The following SCAMP4 variants were observed in gnomAD, a reference collection of about 807,000 sequenced individuals.
The protein encoded by SCAMP4 is secretory carrier membrane protein 4.
A neutral mutation model predicts 32.1 loss-of-function variants in SCAMP4; 19 were observed. The ratio of observed to expected loss-of-function variants is 0.59; its 90% CI spans 0.41 to 0.87. SCAMP4 has a LOEUF of 0.87. Ranked by LOEUF, SCAMP4 falls within the 40% of genes least tolerant of loss-of-function variation. SCAMP4 has a pLI of 0.00. For synonymous variants in SCAMP4, 152 were observed against 132.7 expected (o/e 1.15, Z -1.00); for missense variants, 302 against 309.0 (o/e 0.98, Z 0.17).
At chr19:1,912,690 G>T in intron 1 of SCAMP4, 1 of 1,474,128 alleles carries the variant, frequency 6.8e-7, no homozygotes, top group South Asian at 1.3e-5. Flanking sequence ...GGGGGCCGTG[G>T]TAGTGGACCC....
rs779272150 is a variant in SCAMP4, at chr19:1,918,931, C to T, written c.336C>T (p.Phe112=). 2.5e-5 allele frequency: 41 copies of T among 1,612,326 alleles called. No homozygotes were observed. The highest frequency in any genetic ancestry group is 2.0e-4 in the South Asian group (18 of 90,640). Residue 112 remains phenylalanine (F), a synonymous_variant, in exon 5 of 7, where the codon TTC becomes TTT. Coordinates refer to ENST00000316097, the MANE Select transcript of SCAMP4 (RefSeq NM_079834.4). ...ATTTCATGGCGTTTTTCTTCATCTTCGGAGCCCAGTTTGTCCTGACCGTCA... is the reference window on the plus strand; with the variant it reads ...ATTTCATGGCGTTTTTCTTCATCTTTGGAGCCCAGTTTGTCCTGACCGTCA... ...SFNFMAFFFI[F]GAQFVLTVIQ... is the part of the protein sequence containing the mutation.
At chr19:1,911,995 C>G in intron 1 of SCAMP4, 1 of 1,413,510 alleles carries the variant, frequency 7.1e-7, no homozygotes. Context: ...TGTGGAGCCA[C>G]GGCCTCCCGG....
intron 1 of SCAMP4, chr19:1,912,577 C>T: frequency 3.3e-6 from 5 of 1,496,584 alleles, no homozygotes; most frequent in South Asian, 1.2e-5. Flanking sequence ...AGCGCCCTGG[C>T]TGGGCGGCTC....
intron 1 of SCAMP4, among the ~76,000 whole-genome samples, chr19:1,911,357 A>T (rs1423573244): frequency 6.6e-6 from 1 of 151,872 alleles, no homozygotes; most frequent in South Asian, 2.1e-4. Flanking sequence ...TATTTAGTAG[A>T]AATGGGGTGT....
chr19:1,907,374 A>C, intron 1 of SCAMP4, among the ~76,000 whole-genome samples: 1 of 142,574 alleles, frequency 7.0e-6, no homozygotes, highest in Admixed American at 7.2e-5. Context: ...TCTCTTATGT[A>C]CCTGACAGCC....
chr19:1,907,889 T>A (rs2145423501), intron 1 of SCAMP4: 1 of 152,532 alleles, frequency 6.6e-6, no homozygotes, highest in South Asian at 2.1e-4. Context: ...GCTCTGGCAG[T>A]TGAGGCCGCC....
chr19:1,913,039 G>A (rs763539109), intron 1 of SCAMP4: 2 of 1,603,836 alleles, frequency 1.2e-6, no homozygotes, highest in Non-Finnish European at 1.7e-6. Context: ...TCGCCCGACG[G>A]CGCCCTGGGC....
chr19:1,920,930 C>T, intron 5 of SCAMP4: 1 of 985,362 alleles, frequency 1.0e-6, no homozygotes, highest in Non-Finnish European at 1.2e-6. Flanking sequence ...CGACTTGGCT[C>T]TTCTCATTGG....
intron 5 of SCAMP4, chr19:1,919,273 C>G (rs1384974318): frequency 1.5e-5 from 20 of 1,295,914 alleles, no homozygotes; most frequent in Non-Finnish European, 1.8e-5. Context: ...CCAGGCTTGT[C>G]TCCTGAGTGT....
intron 5 of SCAMP4, chr19:1,921,383 G>A (rs2013915288): frequency 2.0e-6 from 2 of 985,462 alleles, no homozygotes; most frequent in African/African-American, 3.5e-5. Flanking sequence ...CCCCAGCGGG[G>A]CCTAGCTGTG....
At chr19:1,921,818 GA>G (rs76467045) in intron 5 of SCAMP4, 552 of 869,406 alleles carry the variant, frequency 6.3e-4, no homozygotes, top group African/African-American at 4.0e-3. Flanking sequence ...CATCTCTCCA[GA>G]AAAAAAAAAA....
intron 1 of SCAMP4, among the ~76,000 whole-genome samples, chr19:1,909,633 T>C (rs914561704): frequency 6.6e-6 from 1 of 152,040 alleles, no homozygotes; most frequent in African/African-American, 2.4e-5. Context: ...GTAACAGTGC[T>C]GGTGATGTCA....
At position 1,920,199 on chromosome 19, in the gene SCAMP4, G is replaced by T. The variant is rs529226412; in HGVS notation, c.395+1209G>T. On this transcript the variant is annotated intron_variant, in intron 5 of 6. Transcript: ENST00000316097. ...AGTGACTGTTCTCGCCCACGTCCCCGACGTGTCTCCCTTGTCCTTGGCACG... is the reference window on the plus strand; with the variant it reads ...AGTGACTGTTCTCGCCCACGTCCCCTACGTGTCTCCCTTGTCCTTGGCACG... The T allele has an allele frequency of 1.3e-5, 13 of 985,204 alleles. No homozygotes were observed. The African/African-American group carries it at 1.9e-4, about 15-fold the overall frequency. The allele number at this position is 985,204 out of a possible 1,614,324, so 61.0% of individuals were successfully genotyped here. A position where few individuals can be genotyped will look rare whatever the true frequency, so the allele number is the denominator to read the frequency against.
In SCAMP4 at chr19:1,913,424, G is replaced by A. The variant is rs2013608384; in HGVS notation, c.-41-1555G>A. ...CGCGGGCCGGGAAACTGCTCTGATG[G>A]GAAAATAAACAGCCCAAAACCAAGT... On this transcript the variant is annotated intron_variant, in intron 1 of 6. Transcript: ENST00000316097. 1.4e-5 allele frequency: 8 copies of A among 571,044 alleles called. No homozygotes were observed. The South Asian group carries it at 1.8e-4, about 13-fold the overall frequency. The allele number at this position is 571,044 out of a possible 1,614,324, so 35.4% of individuals were successfully genotyped here. A position where few individuals can be genotyped will look rare whatever the true frequency, so the allele number is the denominator to read the frequency against.
At chr19:1,918,761 CAA>C (rs376128461) in intron 4 of SCAMP4, 126 bp from the exon 5 acceptor site, 80,925 of 1,093,250 alleles carry the variant, frequency 0.074, 2 homozygotes, top group Non-Finnish European at 0.08. Flanking sequence ...GACTCCATCT[CAA>C]AAAAAAAAAA....
Position 1,923,132 on chromosome 19 carries a change from T to G in SCAMP4, c.458T>G (p.Leu153Arg). The G allele has an allele frequency of 6.4e-7, 1 of 1,553,416 alleles. No individual in the cohort carries two copies. The highest frequency in any genetic ancestry group is 8.7e-7 in the Non-Finnish European group (1 of 1,148,066). Reference sequence around the variant, plus strand: ...CCGGGCGCTGCCGTGGTCATGCTGCTTCCAGCCATCATGTTCTCCGTGTCG... The same window carrying G: ...CCGGGCGCTGCCGTGGTCATGCTGCGTCCAGCCATCATGTTCTCCGTGTCG... ...YSPGAAVVML[L>R]PAIMFSVSAA... The change falls in exon 6 of 7, where the codon CTT (leucine) becomes CGT (arginine). Residue 153 changes from leucine (L) to arginine (R), a missense_variant. Coordinates refer to ENST00000316097, the MANE Select transcript of SCAMP4 (RefSeq NM_079834.4).
intron 2 of SCAMP4, among the ~76,000 whole-genome samples, chr19:1,916,939 A>T (rs1266059334): frequency 2.0e-5 from 3 of 152,212 alleles, no homozygotes; most frequent in African/African-American, 7.2e-5. Flanking sequence ...AGCCGCACCC[A>T]CACTAAACAT....
intron 1 of SCAMP4, chr19:1,912,512 C>A (rs866874255): frequency 4.0e-6 from 6 of 1,494,134 alleles, no homozygotes; most frequent in Middle Eastern, 1.8e-4. Context: ...GGGGCCAGTT[C>A]GAGGAGGCCC....
Position 1,925,502 on chromosome 19 carries a change from AAC to A in SCAMP4, c.*1221_*1222del, listed in dbSNP as rs2014070279. 6.5e-6 allele frequency: 1 copy of A among 152,788 alleles called. No homozygotes were observed. Among genetic ancestry groups the A allele is most frequent in the African/African-American group, 2.4e-5 (1 of 41,324 alleles). The allele number at this position is 152,788 out of a possible 1,614,324, so 9.5% of individuals were successfully genotyped here. On this transcript the variant is annotated 3_prime_UTR_variant, in exon 7 of 7. Coordinates refer to ENST00000316097, the MANE Select transcript of SCAMP4 (RefSeq NM_079834.4). ...CCCCTCACCCCCCAACTCCCCCTGG[AAC>A]ACCTCTCCCAGGCAAGACATTTTCA...
Sources: gnomAD v4.1 joint callset for allele counts (sites outside exome capture counted in the v4.1 genomes callset) on GRCh38, gnomAD v4.1.1 for gene constraint, MANE v1.5 for transcripts, NCBI Gene and HGNC (gene_info 2026-07-23, HGNC 2026-07-21) for gene names.